The following CAGE1 variants were observed in gnomAD, a reference collection of about 807,000 sequenced individuals.
CAGE1 encodes the protein cancer-associated gene 1 protein.
CAGE1 carries 66 observed loss-of-function variants against 94.9 expected under a neutral mutation model. The observed-to-expected ratio is 0.70, with a 90% CI of 0.57 to 0.85. The LOEUF is 0.85. CAGE1 is among the 40% of genes least tolerant of loss of function. The probability of loss-of-function intolerance (pLI) is 0.00; values close to 1 mark genes in which losing one functional copy is unlikely to be tolerated. For synonymous variants in CAGE1, 319 were observed against 321.0 expected (o/e 0.99, Z 0.07); for missense variants, 865 against 950.4 (o/e 0.91, Z 1.18).
At chr6:7,336,404 C>T (rs1043830564) in intron 11 of CAGE1, among the ~76,000 whole-genome samples, 2 of 152,136 alleles carry the variant, frequency 1.3e-5, no homozygotes, top group African/African-American at 2.4e-5. Flanking sequence ...TCATGTCCTC[C>T]GTAGAGGCCA....
chr6:7,352,423 T>C (rs1759816288), intron 11 of CAGE1, among the ~76,000 whole-genome samples: 1 of 151,002 alleles, frequency 6.6e-6, no homozygotes, highest in African/African-American at 2.4e-5. Context: ...ACACACCCCA[T>C]GCTCATGGAT....
intron 13 of CAGE1, among the ~76,000 whole-genome samples, chr6:7,327,791 G>A (rs1054811212): frequency 8.5e-5 from 13 of 152,160 alleles, no homozygotes; most frequent in South Asian, 4.1e-4. Context: ...TTAGCTAGGC[G>A]TGGTGGTACC....
chr6:7,381,991 C>G (rs1048843081), intron 3 of CAGE1, among the ~76,000 whole-genome samples: 1 of 151,952 alleles, frequency 6.6e-6, no homozygotes, highest in African/African-American at 2.4e-5. Context: ...AGGCGCCCAC[C>G]ATCACACCCA....
intron 4 of CAGE1, among the ~76,000 whole-genome samples, chr6:7,374,956 C>T (rs561933285): frequency 2.6e-5 from 4 of 152,120 alleles, no homozygotes; most frequent in Non-Finnish European, 4.4e-5. Flanking sequence ...ATCACTTGAA[C>T]GCAGGAGGTG....
At chr6:7,379,823 A>ATGTC (rs1403493738) in intron 3 of CAGE1, among the ~76,000 whole-genome samples, 6 of 152,168 alleles carry the variant, frequency 3.9e-5, no homozygotes, top group African/African-American at 1.4e-4. Flanking sequence ...GACACCCTTA[A>ATGTC]TGTCTCAGTA....
Position 7,370,039 on chromosome 6 carries a change from C to G in CAGE1, c.1773G>C (p.Leu591=), listed in dbSNP as rs773402758. Residue 591 remains leucine, a synonymous_variant, in exon 6 of 14, where the codon CTG becomes CTC. Transcript: ENST00000502583. ...TKDTKTTHSN[L]LPDCSPCEER... is the part of the protein sequence containing the mutation. ...CTTCACAAGGTGAGCAATCCGGGAG[C>G]AGATTAGAATGTGTCGTTTTTGTAT... The G allele has an allele frequency of 5.6e-6, 9 of 1,612,040 alleles. No individual in the cohort carries two copies. The highest frequency in any genetic ancestry group is 7.6e-6 in the Non-Finnish European group (9 of 1,179,230).
intron 3 of CAGE1, among the ~76,000 whole-genome samples, chr6:7,382,244 A>T (rs1193200503): frequency 6.6e-6 from 1 of 151,962 alleles, no homozygotes; most frequent in Non-Finnish European, 1.5e-5. Context: ...TTACTTTATT[A>T]TACTTTGGCC....
chr6:7,352,512 AC>A (rs1428567014), intron 11 of CAGE1, among the ~76,000 whole-genome samples: 3 of 152,104 alleles, frequency 2.0e-5, no homozygotes, highest in East Asian at 1.9e-4. Context: ...TCAAAACACT[AC>A]CATCATTCTT....
At position 7,389,736 on chromosome 6, in the gene CAGE1, G is replaced by C; in HGVS notation, c.-558C>G. ...AGCCCTATACAGCGCGCCATCCAGAGAGCTCCGGACTCCCAGCTCGGCGCA... is the reference window on the plus strand; with the variant it reads ...AGCCCTATACAGCGCGCCATCCAGACAGCTCCGGACTCCCAGCTCGGCGCA... On this transcript the variant is annotated 5_prime_UTR_variant, in exon 1 of 14. Transcript: ENST00000502583. The C allele has an allele frequency of 1.8e-6, 1 of 567,164 alleles. No individual in the cohort carries two copies. Among genetic ancestry groups the C allele is most frequent in the East Asian group, 3.0e-5 (1 of 33,768 alleles). The allele number at this position is 567,164 out of a possible 1,614,324, so 35.1% of individuals were successfully genotyped here. A position where few individuals can be genotyped will look rare whatever the true frequency, so the allele number is the denominator to read the frequency against.
intron 11 of CAGE1, among the ~76,000 whole-genome samples, chr6:7,350,739 A>C (rs375091370): frequency 6.6e-6 from 1 of 152,118 alleles, no homozygotes; most frequent in South Asian, 2.1e-4. Context: ...ACCTATCAAA[A>C]CCTCTGGAGT....
chr6:7,365,437 T>TA, intron 9 of CAGE1, 31 bp downstream of exon 9: 2 of 1,561,402 alleles, frequency 1.3e-6, no homozygotes, highest in Non-Finnish European at 1.8e-6. Flanking sequence ...TGTATAAAAA[T>TA]AATAGCAAGG....
chr6:7,378,736 T>C lies in CAGE1; in HGVS notation c.568A>G (p.Ser190Gly). ...NEYFRQPPPR[S>G]PPLIHCSGEM... ...CCACTGCAGTGGATTAGAGGCGGGC[T>C]TCTAGGAGGAGGCTGTCTAAAATAC... is the stretch of plus-strand genomic sequence containing the variant. The change falls in exon 4 of 14, where the codon AGC becomes GGC. Residue 190 changes from serine (S) to glycine (G), a missense_variant. Physicochemically the swap from Ser to Gly is moderately conservative, Grantham distance 56. Coordinates refer to ENST00000502583, the MANE Select transcript of CAGE1 (RefSeq NM_001170692.2). 1.2e-6 allele frequency: 2 copies of C among 1,613,970 alleles called. No individual in the cohort carries two copies. Among genetic ancestry groups the C allele is most frequent in the Non-Finnish European group, 1.7e-6 (2 of 1,179,872 alleles).
chr6:7,334,578 A>G (rs1178607609), intron 11 of CAGE1, among the ~76,000 whole-genome samples: 1 of 151,842 alleles, frequency 6.6e-6, no homozygotes, highest in Non-Finnish European at 1.5e-5. Context: ...AAATACAAAA[A>G]TTAGCCGGGC....
intron 11 of CAGE1, among the ~76,000 whole-genome samples, chr6:7,348,046 C>T (rs979090912): frequency 5.3e-5 from 8 of 152,094 alleles, no homozygotes; most frequent in African/African-American, 1.7e-4. Context: ...TGCTCACCAC[C>T]GGTTCCTTTT....
chr6:7,373,859 T>G lies in CAGE1; in HGVS notation c.960A>C (p.Glu320Asp). The G allele has an allele frequency of 6.2e-7, 1 of 1,614,032 alleles. No homozygotes were observed. The highest frequency in any genetic ancestry group is 8.5e-7 in the Non-Finnish European group (1 of 1,179,888). ...TACACTGGAGTTCTTGGATTCGCAC[T>G]TCCTGCTTTCTGTTAGTATGTTTTA... is the stretch of plus-strand genomic sequence containing the variant. The part of the protein sequence containing the change: ...QKLKHTNRKQ[E>D]VRIQELQCSN... Residue 320 changes from glutamate to aspartate, a missense_variant, in exon 5 of 14, where the codon GAA becomes GAC. By Grantham distance (45) the Glu-to-Asp change is conservative (BLOSUM62 2). Transcript: ENST00000502583.
At chr6:7,331,075 T>C (rs769243799) in intron 12 of CAGE1, among the ~76,000 whole-genome samples, 2 of 152,212 alleles carry the variant, frequency 1.3e-5, no homozygotes, top group Admixed American at 1.3e-4. Context: ...GAAAAAGTCA[T>C]AGTTAACCTA....
intron 4 of CAGE1, among the ~76,000 whole-genome samples, chr6:7,375,154 T>C (rs1760692320): frequency 6.6e-6 from 1 of 152,074 alleles, no homozygotes; most frequent in Non-Finnish European, 1.5e-5. Context: ...CTCATGCTTG[T>C]AATCCCAGTA....
intron 5 of CAGE1, 129 bp downstream of exon 5, chr6:7,372,944 C>A: frequency 1.4e-6 from 1 of 729,124 alleles, no homozygotes; most frequent in Non-Finnish European, 2.2e-6. Flanking sequence ...TCCCAAAGTG[C>A]CGAGATCTGT....
At chr6:7,364,170 T>C (rs1018491633) in intron 9 of CAGE1, among the ~76,000 whole-genome samples, 2 of 152,198 alleles carry the variant, frequency 1.3e-5, no homozygotes, top group African/African-American at 4.8e-5. Flanking sequence ...GCTGTCCTCT[T>C]AGCTCCCTAT....
Sources: gnomAD v4.1 joint callset for allele counts (sites outside exome capture counted in the v4.1 genomes callset) on GRCh38, gnomAD v4.1.1 for gene constraint, MANE v1.5 for transcripts, NCBI Gene and HGNC (gene_info 2026-07-23, HGNC 2026-07-21) for gene names.